Variants in RNF182 observed in about 807,000 individuals in gnomAD.
RNF182 encodes E3 ubiquitin-protein ligase RNF182.
RNF182 carries 15 observed loss-of-function variants against 14.4 expected under a neutral mutation model. The observed-to-expected ratio is 1.04, with a 90% CI of 0.70 to 1.60. The LOEUF is 1.60. Ranked by LOEUF, RNF182 falls within the 40% of genes most tolerant of loss-of-function variation. The pLI is 0.00. For synonymous variants in RNF182, 128 were observed against 122.9 expected, an observed-to-expected ratio of 1.04 and a Z score of -0.27; for missense variants, 268 against 294.8, an observed-to-expected ratio of 0.91 and a Z score of 0.67.
At chr6:13,966,816 G>C (rs951984446) in intron 1 of RNF182, among the ~76,000 whole-genome samples, 1 of 112,164 alleles carries the variant, frequency 8.9e-6, no homozygotes, top group Admixed American at 1.3e-4. Context: ...ATGCTGTTTT[G>C]TGTGTGTGCG....
chr6:13,977,239 T>C lies in RNF182; in HGVS notation c.120T>C (p.Cys40=), dbSNP rs1487836280. 1.9e-6 allele frequency: 3 copies of C among 1,614,066 alleles called. No individual in the cohort carries two copies. The highest frequency in any genetic ancestry group is 3.3e-5 in the Admixed American group (2 of 60,004). Residue 40 remains cysteine, a synonymous_variant, in exon 3 of 3, where the codon TGT becomes TGC. Coordinates refer to ENST00000488300, the MANE Select transcript of RNF182 (RefSeq NM_152737.4). ...KQRKPKVLEC[C]HRVCAKCLYK... is the part of the protein sequence containing the mutation. Reference sequence around the variant, plus strand: ...GGAAACCCAAAGTGCTGGAGTGTTGTCATAGGGTTTGTGCCAAATGCCTCT... The same window carrying C: ...GGAAACCCAAAGTGCTGGAGTGTTGCCATAGGGTTTGTGCCAAATGCCTCT...
rs1203431575 is a variant in RNF182 at position 13,977,006 on chromosome 6, C to G, written c.-114C>G. 4 of 1,142,454 alleles carry G rather than the reference C, an allele frequency of 3.5e-6. No homozygotes were observed. The South Asian group carries it at 6.1e-5, about 17-fold the overall frequency. The allele number at this position is 1,142,454 out of a possible 1,614,324, so 70.8% of individuals were successfully genotyped here. A position where few individuals can be genotyped will look rare whatever the true frequency, so the allele number is the denominator to read the frequency against. The stretch of plus-strand genomic sequence containing the variant: ...TTTCTGGTTTCTTTCACTACTTATC[C>G]TGCCTTTTTGCATCGCTGCCAGATT... On this transcript the variant is annotated 5_prime_UTR_variant, in exon 3 of 3. Coordinates refer to ENST00000488300, the MANE Select transcript of RNF182 (RefSeq NM_152737.4).
chr6:13,938,198 T>A (rs1424177662), intron 1 of RNF182, among the ~76,000 whole-genome samples: 2 of 147,384 alleles, frequency 1.4e-5, no homozygotes, highest in Non-Finnish European at 3.0e-5. Flanking sequence ...TTTTTTTTTT[T>A]AGTAGAGACG....
At chr6:13,972,664 C>T (rs1300100860) in intron 1 of RNF182, among the ~76,000 whole-genome samples, 1 of 152,160 alleles carries the variant, frequency 6.6e-6, no homozygotes, top group Non-Finnish European at 1.5e-5. Context: ...GGTGCAAGCC[C>T]CAAACCTTGG....
At chr6:13,924,934 C>T (rs1359133370), upstream of RNF182, 18 of 150,126 alleles carry the variant, frequency 1.2e-4, no homozygotes, top group African/African-American at 4.4e-4. Context: ...TAGCTCCTCG[C>T]GCGAGCTCCT....
chr6:13,936,320 A>G (rs1309763687), intron 1 of RNF182, among the ~76,000 whole-genome samples: 1 of 152,244 alleles, frequency 6.6e-6, no homozygotes, highest in African/African-American at 2.4e-5. Flanking sequence ...CAATGATGGA[A>G]GAGTTAGAAA....
At chr6:13,925,061 G>C in intron 1 of RNF182, 38 bp downstream of exon 1, 1 of 308 alleles carries the variant, frequency 3.2e-3, no homozygotes, top group Non-Finnish European at 6.1e-3. Context: ...AGGGGTCGGC[G>C]GGACGCCGGG....
At chr6:13,975,986 G>C (rs1760312149) in intron 2 of RNF182, among the ~76,000 whole-genome samples, 1 of 152,132 alleles carries the variant, frequency 6.6e-6, no homozygotes. Context: ...TCAACCATTT[G>C]TCCAAAGCTG....
chr6:13,938,945 T>C lies in RNF182; in HGVS notation c.-367+13922T>C, dbSNP rs962320244. Among the ~76,000 whole-genome samples the C allele has an allele frequency of 2.6e-5, 4 of 152,100 alleles. No homozygotes were observed. In the East Asian group the frequency reaches 7.7e-4, roughly 29 times the overall value. On this transcript the variant is annotated intron_variant, in intron 1 of 2. Transcript: ENST00000488300. ...TAAAAATACAAAAATAAGCCAGGTG[T>C]GGTGGTTCACGCCTGTAATCCCAGC... is the stretch of plus-strand genomic sequence containing the variant.
upstream of RNF182, chr6:13,924,735 C>G (rs1198383163): frequency 6.6e-6 from 1 of 152,152 alleles, no homozygotes; most frequent in Admixed American, 6.5e-5. Flanking sequence ...TGGGGAGAAA[C>G]AGGCGGTTTG....
At chr6:13,937,289 A>G (rs1001598378) in intron 1 of RNF182, among the ~76,000 whole-genome samples, 1 of 152,302 alleles carries the variant, frequency 6.6e-6, no homozygotes, top group South Asian at 2.1e-4. Context: ...GAAGATTACT[A>G]TTACCCCCAA....
At chr6:13,939,142 A>C (rs571505088) in intron 1 of RNF182, among the ~76,000 whole-genome samples, 2 of 152,312 alleles carry the variant, frequency 1.3e-5, no homozygotes, top group South Asian at 4.1e-4. Flanking sequence ...AGGTAGTATA[A>C]GTTCTTCAGT....
At chr6:13,954,302 G>A (rs1461032312) in intron 1 of RNF182, among the ~76,000 whole-genome samples, 1 of 152,172 alleles carries the variant, frequency 6.6e-6, no homozygotes, top group Non-Finnish European at 1.5e-5. Flanking sequence ...ATTCCTTACT[G>A]TCATGAAATA....
At chr6:13,927,949 A>G (rs914622847) in intron 1 of RNF182, among the ~76,000 whole-genome samples, 1 of 152,228 alleles carries the variant, frequency 6.6e-6, no homozygotes, top group Non-Finnish European at 1.5e-5. Flanking sequence ...AATATCAGGT[A>G]TTGTTAACTG....
At chr6:13,945,247 AG>A (rs1387117946) in intron 1 of RNF182, among the ~76,000 whole-genome samples, 1 of 152,246 alleles carries the variant, frequency 6.6e-6, no homozygotes, top group African/African-American at 2.4e-5. Flanking sequence ...TCTGTACATT[AG>A]AGAGAGCTGG....
chr6:13,977,266 C>T lies in RNF182; in HGVS notation c.147C>T (p.Tyr49=). ...CCHRVCAKCL[Y]KIIDFGDSPQ... is the part of the protein sequence containing the mutation. Reference sequence around the variant, plus strand: ...ATAGGGTTTGTGCCAAATGCCTCTACAAGATCATAGACTTTGGGGACTCCC... The same window carrying T: ...ATAGGGTTTGTGCCAAATGCCTCTATAAGATCATAGACTTTGGGGACTCCC... Residue 49 remains tyrosine, a synonymous_variant, in exon 3 of 3, where the codon TAC becomes TAT. Transcript: ENST00000488300. The T allele has an allele frequency of 6.2e-7, 1 of 1,614,196 alleles. No individual in the cohort carries two copies. Among genetic ancestry groups the T allele is most frequent in the South Asian group, 1.1e-5 (1 of 91,088 alleles).
chr6:13,942,724 A>G (rs144779676), intron 1 of RNF182, among the ~76,000 whole-genome samples: 1 of 152,156 alleles, frequency 6.6e-6, no homozygotes, highest in Admixed American at 6.5e-5. Flanking sequence ...TAGAAGTACA[A>G]TTTTATATCC....
At chr6:13,942,082 A>G (rs1271629688) in intron 1 of RNF182, among the ~76,000 whole-genome samples, 2 of 152,108 alleles carry the variant, frequency 1.3e-5, no homozygotes, top group African/African-American at 4.8e-5. Flanking sequence ...GTGGAATTCT[A>G]GGTTGTCAGT....
intron 1 of RNF182, among the ~76,000 whole-genome samples, chr6:13,953,778 A>G (rs998708055): frequency 6.6e-6 from 1 of 152,182 alleles, no homozygotes; most frequent in African/African-American, 2.4e-5. Context: ...GACATTGACC[A>G]TCAAGCGTGG....
Sources: gnomAD v4.1 joint callset for allele counts (sites outside exome capture counted in the v4.1 genomes callset) on GRCh38, gnomAD v4.1.1 for gene constraint, MANE v1.5 for transcripts, NCBI Gene and HGNC (gene_info 2026-07-23, HGNC 2026-07-21) for gene names.